ASCC3: variants seen among roughly 807,000 people sequenced by gnomAD.
ASCC3 encodes ASC-1 complex subunit P200.
Under a neutral mutation model 256.3 loss-of-function variants are expected in ASCC3, and 158 were observed. The ratio of observed to expected loss-of-function variants is 0.62; its 90% CI spans 0.54 to 0.70. ASCC3 has a LOEUF of 0.70. ASCC3 is among the 30% of genes least tolerant of loss of function. ASCC3 has a pLI of 0.00. For missense variants in ASCC3, 2,259 were observed against 2,626.0 expected (o/e 0.86, Z 3.05); for synonymous variants, 948 against 883.4 (o/e 1.07, Z -1.30).
In ASCC3 at chr6:100,540,369, C is replaced by G. The variant is rs1775393588; in HGVS notation, c.5569G>C (p.Asp1857His). ...SILSDAEEYT[D>H]LPVRHNEDHM... ...TCTTCATTGTGTCTCACTGGCAAAT[C>G]TGTATATTCTTCTGCATCCTGAAAA... The change falls in exon 37 of 42, where the codon GAT becomes CAT. Residue 1857 changes from aspartate to histidine, a missense_variant. By Grantham distance (81) the Asp-to-His change is moderately conservative. Transcript: ENST00000369162. 2 of 1,605,826 alleles carry G rather than the reference C, an allele frequency of 1.2e-6. No individual in the cohort carries two copies. Among genetic ancestry groups the G allele is most frequent in the Non-Finnish European group, 1.7e-6 (2 of 1,175,012 alleles).
rs1019510992 is a variant in ASCC3 at position 100,838,838 on chromosome 6, GTGTA to G, written c.801+9306_801+9309del. 2.5e-3 allele frequency among the ~76,000 whole-genome samples: 386 copies of G among 152,036 alleles called. 4 individuals carry two copies. The highest frequency in any genetic ancestry group is 9.0e-3 in the African/African-American group (372 of 41,500). On this transcript the variant is annotated intron_variant, in intron 4 of 41. Coordinates refer to ENST00000369162, the MANE Select transcript of ASCC3 (RefSeq NM_006828.4). ...AGAAGACAAATTTCAACCATTATGT[GTGTA>G]TGTATGTATGTGCTCATGCATGCAT...
intron 4 of ASCC3, among the ~76,000 whole-genome samples, chr6:100,840,751 A>AT (rs201063550): frequency 0.016 from 2,470 of 152,132 alleles, 30 homozygotes; most frequent in Non-Finnish European, 0.024. Flanking sequence ...ATTTTAAAAG[A>AT]TATATACTCC....
intron 25 of ASCC3, among the ~76,000 whole-genome samples, chr6:100,633,090 G>A (rs997718648): frequency 3.3e-5 from 5 of 152,156 alleles, no homozygotes; most frequent in Admixed American, 6.5e-5. Context: ...CTGTCTTAAT[G>A]CCTTCCCTTT....
At position 100,532,384 on chromosome 6, in the gene ASCC3, A is replaced by G. The variant is rs1312637516; in HGVS notation, c.5775+7779T>C. ...TGTGTGTGTGTGTATGTGTGTATAT[A>G]TATATATATATATATATATATATTT... is the stretch of plus-strand genomic sequence containing the variant. On this transcript the variant is annotated intron_variant, in intron 37 of 41. Coordinates refer to ENST00000369162, the MANE Select transcript of ASCC3 (RefSeq NM_006828.4). 5.8e-3 allele frequency among the ~76,000 whole-genome samples: 204 copies of G among 35,150 alleles called. 4 individuals are homozygous for G. The East Asian group carries it at 0.14, about 24-fold the overall frequency. The allele number at this position is 35,150 out of a possible 152,430, so 23.1% of individuals were successfully genotyped here.
chr6:100,625,034 T>C (rs181816055), intron 30 of ASCC3, among the ~76,000 whole-genome samples, 158 bp downstream of exon 30: 206 of 152,156 alleles, frequency 1.4e-3, no homozygotes, highest in African/African-American at 4.8e-3. Flanking sequence ...TAAGTGGGAC[T>C]ATAGTAGAAC....
intron 36 of ASCC3, among the ~76,000 whole-genome samples, chr6:100,551,898 T>C (rs1769319942): frequency 6.6e-6 from 1 of 151,958 alleles, no homozygotes; most frequent in African/African-American, 2.4e-5. Flanking sequence ...AGAGATATTA[T>C]AGATCTCTAG....
At chr6:100,715,326 A>T in intron 13 of ASCC3, 136 bp downstream of exon 13, 1 of 703,744 alleles carries the variant, frequency 1.4e-6, no homozygotes, top group Non-Finnish European at 2.4e-6. Context: ...AGTTATTAAG[A>T]ATTAGAACCT....
At chr6:100,643,459 C>T (rs1775226968) in intron 23 of ASCC3, among the ~76,000 whole-genome samples, 1 of 152,072 alleles carries the variant, frequency 6.6e-6, no homozygotes, top group Non-Finnish European at 1.5e-5. Flanking sequence ...GGTCTTAAAC[C>T]ATGGTAAAGA....
chr6:100,760,526 T>A (rs1781374471), intron 10 of ASCC3, among the ~76,000 whole-genome samples: 1 of 152,182 alleles, frequency 6.6e-6, no homozygotes, highest in South Asian at 2.1e-4. Flanking sequence ...TGGATTTGGT[T>A]CTGACAAGAC....
chr6:100,816,111 C>T (rs1770732569), intron 4 of ASCC3, among the ~76,000 whole-genome samples: 1 of 151,948 alleles, frequency 6.6e-6, no homozygotes, highest in African/African-American at 2.4e-5. Flanking sequence ...CATGAACAGA[C>T]ACTTTTCAAA....
chr6:100,588,592 C>A (rs530251207), intron 36 of ASCC3, among the ~76,000 whole-genome samples: 1 of 152,148 alleles, frequency 6.6e-6, no homozygotes, highest in Non-Finnish European at 1.5e-5. Context: ...TTCTTTTCTA[C>A]AGAGCAAAGA....
chr6:100,733,720 C>T (rs942181403), intron 10 of ASCC3, among the ~76,000 whole-genome samples: 1 of 152,128 alleles, frequency 6.6e-6, no homozygotes, highest in Non-Finnish European at 1.5e-5. Context: ...CTTATAGTTC[C>T]TTCAGACAAA....
intron 14 of ASCC3, among the ~76,000 whole-genome samples, chr6:100,670,324 C>G (rs1248244269): frequency 6.6e-6 from 1 of 151,768 alleles, no homozygotes; most frequent in Non-Finnish European, 1.5e-5. Context: ...GGGATTGATT[C>G]AACAAACACC....
At chr6:100,629,264 AT>A in intron 26 of ASCC3, 83 bp from the exon 27 acceptor site, 2 of 1,259,396 alleles carry the variant, frequency 1.6e-6, no homozygotes, top group Non-Finnish European at 2.2e-6. Context: ...CTCTTTTAAA[AT>A]AAAATTTTAT....
intron 10 of ASCC3, among the ~76,000 whole-genome samples, chr6:100,761,880 A>C (rs1279889823): frequency 1.3e-5 from 2 of 152,208 alleles, no homozygotes; most frequent in African/African-American, 4.8e-5. Context: ...TGCATATACA[A>C]TATCTGCCCC....
chr6:100,864,387 G>C (rs1773380910), intron 2 of ASCC3, among the ~76,000 whole-genome samples, 173 bp from the exon 3 acceptor site: 1 of 152,130 alleles, frequency 6.6e-6, no homozygotes, highest in Non-Finnish European at 1.5e-5. Flanking sequence ...ACTTAAATGG[G>C]TGTTCATAGA....
At chr6:100,644,204 T>G (rs908649588) in intron 22 of ASCC3, 75 bp from the exon 23 acceptor site, 5 of 967,516 alleles carry the variant, frequency 5.2e-6, no homozygotes, top group Non-Finnish European at 8.4e-6. Flanking sequence ...CTTCTCACTC[T>G]AGAAGCTTTA....
intron 14 of ASCC3, among the ~76,000 whole-genome samples, chr6:100,674,709 T>G (rs1045019292): frequency 6.7e-6 from 1 of 150,310 alleles, no homozygotes; most frequent in African/African-American, 2.4e-5. Flanking sequence ...CTTGGCTCAC[T>G]GCAACCTCCG....
Position 100,521,722 on chromosome 6 carries a change from T to G in ASCC3, c.5776-3580A>C, listed in dbSNP as rs116978712. On this transcript the variant is annotated intron_variant, in intron 37 of 41. Transcript: ENST00000369162. ...TGGAGGATGTGGGCCTGGTTTTCAG[T>G]TTGAGTGGGCAAGCCCAAGTGACTG... Among the ~76,000 whole-genome samples, 843 of 152,300 alleles carry G rather than the reference T, an allele frequency of 5.5e-3. 17 individuals carry two copies. The highest frequency in any genetic ancestry group is 0.04 in the Admixed American group (619 of 15,292).
Sources: gnomAD v4.1 joint callset for allele counts (sites outside exome capture counted in the v4.1 genomes callset) on GRCh38, gnomAD v4.1.1 for gene constraint, MANE v1.5 for transcripts, NCBI Gene and HGNC (gene_info 2026-07-23, HGNC 2026-07-21) for gene names.